The following PCDH15 variants were observed in gnomAD, a reference collection of about 807,000 sequenced individuals.
The protein encoded by PCDH15 is protocadherin-15.
Under a neutral mutation model 178.5 loss-of-function variants are expected in PCDH15, and 129 were observed. The observed-to-expected ratio is 0.72, with a 90% CI of 0.63 to 0.84. The LOEUF (loss-of-function observed/expected upper bound fraction) is 0.84, where lower values mean the gene tolerates loss of function less well. Among genes scored for constraint, PCDH15 ranks in the 40% least tolerant of loss-of-function variants. PCDH15 has a pLI of 0.00. For synonymous variants in PCDH15, 800 were observed against 732.0 expected, an observed-to-expected ratio of 1.09 and a Z score of -1.50; for missense variants, 2,230 against 2,099.9, an observed-to-expected ratio of 1.06 and a Z score of -1.21.
intron 8 of PCDH15, among the ~76,000 whole-genome samples, chr10:54,254,336 G>A (rs1463838957): frequency 6.6e-6 from 1 of 151,990 alleles, no homozygotes; most frequent in Non-Finnish European, 1.5e-5. Context: ...GGATATACTA[G>A]CAACATAAAG....
At chr10:54,560,544 T>C (rs1372671827) in intron 2 of PCDH15, among the ~76,000 whole-genome samples, 1 of 152,084 alleles carries the variant, frequency 6.6e-6, no homozygotes, top group Non-Finnish European at 1.5e-5. Context: ...TTGGAATTTG[T>C]ATATAAAAAA....
chr10:54,546,856 A>G (rs957959454), intron 2 of PCDH15, among the ~76,000 whole-genome samples: 10 of 152,148 alleles, frequency 6.6e-5, no homozygotes, highest in Non-Finnish European at 1.5e-5. Flanking sequence ...CTCAATTCAT[A>G]TTTTGAAATT....
At chr10:54,607,964 G>A (rs763456610) in intron 2 of PCDH15, 15 of 498,884 alleles carry the variant, frequency 3.0e-5, no homozygotes, top group East Asian at 1.2e-4. Context: ...TAATACTTCC[G>A]CACTTTGGAA....
chr10:55,035,123 A>G (rs1166682244), intron 2 of PCDH15, among the ~76,000 whole-genome samples: 1 of 152,204 alleles, frequency 6.6e-6, no homozygotes, highest in African/African-American at 2.4e-5. Context: ...GAATCTTAAT[A>G]TAATGATCAA....
intron 1 of PCDH15, among the ~76,000 whole-genome samples, chr10:55,266,297 G>C (rs770141274): frequency 6.6e-6 from 1 of 151,982 alleles, no homozygotes; most frequent in Non-Finnish European, 1.5e-5. Flanking sequence ...GAAACCCTTA[G>C]ATAGACCCCT....
intron 3 of PCDH15, among the ~76,000 whole-genome samples, chr10:54,885,030 C>T (rs1954330651): frequency 6.6e-6 from 1 of 151,984 alleles, no homozygotes; most frequent in Admixed American, 6.6e-5. Context: ...AATTTAGTCT[C>T]TTCTCTCAAA....
rs1843424131 is a variant in PCDH15 at position 55,306,316 on chromosome 10, C to A, written c.-156+13283G>T. Among the ~76,000 whole-genome samples, 4 of 152,140 alleles carry A rather than the reference C, an allele frequency of 2.6e-5. No homozygotes were observed. The South Asian group carries it at 8.3e-4, about 32-fold the overall frequency. ...CTAGAATGAAAACATAAGTTTTATA[C>A]CAACTGAAATGTTTTACACTTGGGC... On this transcript the variant is annotated intron_variant, in intron 1 of 5. Transcript: ENST00000458638.
At chr10:53,875,715 T>G (rs1589199836) in intron 26 of PCDH15, among the ~76,000 whole-genome samples, 1 of 152,306 alleles carries the variant, frequency 6.6e-6, no homozygotes, top group African/African-American at 2.4e-5. Flanking sequence ...AAAGCTTAGA[T>G]ACAGGAAACC....
chr10:54,220,688 G>A (rs998258244), intron 9 of PCDH15, among the ~76,000 whole-genome samples: 2 of 152,056 alleles, frequency 1.3e-5, no homozygotes, highest in Non-Finnish European at 2.9e-5. Context: ...AGCCGGGCGT[G>A]GTGGCGGGCG....
intron 2 of PCDH15, among the ~76,000 whole-genome samples, chr10:55,458,071 C>G (rs1839593665): frequency 6.6e-6 from 1 of 151,944 alleles, no homozygotes; most frequent in African/African-American, 2.4e-5. Flanking sequence ...ATATTTGGTT[C>G]ATTATAAATC....
chr10:54,756,054 AAAACACACACACACAC>A (rs1271281864), intron 1 of PCDH15, among the ~76,000 whole-genome samples: 1,420 of 111,978 alleles, frequency 0.013, 30 homozygotes, highest in African/African-American at 0.048. Flanking sequence ...GTCTCTACTA[AAAACACACACACACAC>A]ACACACACAC....
chr10:55,458,318 A>G (rs1839598619), intron 2 of PCDH15, among the ~76,000 whole-genome samples: 1 of 152,034 alleles, frequency 6.6e-6, no homozygotes, highest in African/African-American at 2.4e-5. Context: ...TCTGCTGATG[A>G]CTCGAATATA....
intron 1 of PCDH15, among the ~76,000 whole-genome samples, chr10:54,682,910 G>A (rs1299380565): frequency 1.3e-5 from 2 of 152,106 alleles, no homozygotes; most frequent in Non-Finnish European, 2.9e-5. Context: ...GCATACTAAG[G>A]TGGATTTAGG....
At chr10:54,734,991 A>G (rs536605137) in intron 1 of PCDH15, among the ~76,000 whole-genome samples, 16 of 152,022 alleles carry the variant, frequency 1.1e-4, no homozygotes, top group Non-Finnish European at 1.8e-4. Context: ...CATACCCTAA[A>G]GTGTGAATTT....
At chr10:54,884,850 C>T (rs1383954176) in intron 3 of PCDH15, among the ~76,000 whole-genome samples, 1 of 151,926 alleles carries the variant, frequency 6.6e-6, no homozygotes, top group Admixed American at 6.6e-5. Context: ...TACTATTTTC[C>T]ATTTCAATGT....
At chr10:54,148,497 G>C (rs199873404) in intron 14 of PCDH15, among the ~76,000 whole-genome samples, 1 of 151,908 alleles carries the variant, frequency 6.6e-6, no homozygotes, top group East Asian at 1.9e-4. Flanking sequence ...AAAAGTCTGC[G>C]CATGTTCAGT....
At chr10:54,920,492 A>AC (rs1837459720) in intron 2 of PCDH15, among the ~76,000 whole-genome samples, 2 of 151,356 alleles carry the variant, frequency 1.3e-5, no homozygotes. Flanking sequence ...AAAAAAAAAA[A>AC]AAATCTCCAG....
intron 3 of PCDH15, among the ~76,000 whole-genome samples, chr10:54,392,888 G>C (rs1950731936): frequency 7.5e-6 from 1 of 133,710 alleles, no homozygotes; most frequent in South Asian, 2.3e-4. Flanking sequence ...GACAGAGCAA[G>C]ACTCAGGCTC....
chr10:55,132,092 G>T (rs1431048446), intron 2 of PCDH15, among the ~76,000 whole-genome samples: 2 of 152,158 alleles, frequency 1.3e-5, no homozygotes, highest in African/African-American at 4.8e-5. Context: ...AAGGGGGAAT[G>T]AGTTCAGCCA....
Sources: gnomAD v4.1 joint callset for allele counts (sites outside exome capture counted in the v4.1 genomes callset) on GRCh38, gnomAD v4.1.1 for gene constraint, MANE v1.5 for transcripts, NCBI Gene and HGNC (gene_info 2026-07-23, HGNC 2026-07-21) for gene names.